PTPRN2: variants seen among roughly 807,000 people sequenced by gnomAD.
PTPRN2 encodes receptor-type tyrosine-protein phosphatase N2.
In PTPRN2, 74 loss-of-function variants were observed where a neutral mutation model predicts 118.8. The observed-to-expected ratio is 0.62, with a 90% CI of 0.52 to 0.76. PTPRN2 has a LOEUF of 0.76. Ranked by LOEUF, PTPRN2 falls within the 30% of genes least tolerant of loss-of-function variation. PTPRN2 has a pLI of 0.00. For missense variants in PTPRN2, 1,481 were observed against 1,394.4 expected (o/e 1.06, Z -0.99); for synonymous variants, 641 against 608.0 (o/e 1.05, Z -0.80).
At chr7:157,981,010 C>T (rs1304574792) in intron 11 of PTPRN2, among the ~76,000 whole-genome samples, 1 of 152,104 alleles carries the variant, frequency 6.6e-6, no homozygotes, top group Non-Finnish European at 1.5e-5. Flanking sequence ...GTAGCCAGTT[C>T]CCACGGAGCC....
At chr7:158,452,192 C>A (rs937942280) in intron 2 of PTPRN2, among the ~76,000 whole-genome samples, 5 of 125,690 alleles carry the variant, frequency 4.0e-5, no homozygotes, top group African/African-American at 1.1e-4. Context: ...AGACTCAACG[C>A]CCCACACACA....
At chr7:158,502,903 ATCAGCCACTGTG>A (rs1822473374) in intron 1 of PTPRN2, among the ~76,000 whole-genome samples, 3 of 150,960 alleles carry the variant, frequency 2.0e-5, no homozygotes, top group African/African-American at 4.9e-5. Flanking sequence ...CACTGTGTCC[ATCAGCCACTGTG>A]TCCATCAACT....
intron 1 of PTPRN2, among the ~76,000 whole-genome samples, chr7:158,564,106 T>C (rs923548275): frequency 1.3e-5 from 2 of 152,218 alleles, no homozygotes; most frequent in Non-Finnish European, 2.9e-5. Flanking sequence ...CCATACGTCT[T>C]GTTAATCACA....
At chr7:158,018,719 G>A (rs186673118) in intron 11 of PTPRN2, among the ~76,000 whole-genome samples, 3 of 152,224 alleles carry the variant, frequency 2.0e-5, no homozygotes, top group East Asian at 1.9e-4. Flanking sequence ...CCAGCACTTT[G>A]GGAGGCTGAG....
At chr7:157,623,896 C>T (rs1022231133) in intron 14 of PTPRN2, among the ~76,000 whole-genome samples, 4 of 152,210 alleles carry the variant, frequency 2.6e-5, no homozygotes, top group African/African-American at 9.7e-5. Context: ...ATGAAACATC[C>T]TTTGTGATAT....
In PTPRN2 at chr7:158,575,727, A is replaced by G. The variant is rs117538809; in HGVS notation, c.112+11831T>C. On this transcript the variant is annotated intron_variant, in intron 1 of 22. Coordinates refer to ENST00000389418, the MANE Select transcript of PTPRN2 (RefSeq NM_002847.5). Reference sequence around the variant, plus strand: ...TGGAGGATACAAGAGGCATAACTACATAAGTATCCAAATTTTTCACACAGT... The same window carrying G: ...TGGAGGATACAAGAGGCATAACTACGTAAGTATCCAAATTTTTCACACAGT... Among the ~76,000 whole-genome samples, 24 of 152,320 alleles carry G rather than the reference A, an allele frequency of 1.6e-4. 1 individual carries two copies. In the East Asian group the frequency reaches 4.0e-3, roughly 26 times the overall value.
chr7:158,076,123 CA>C (rs1235937241), intron 11 of PTPRN2, among the ~76,000 whole-genome samples: 1 of 152,256 alleles, frequency 6.6e-6, no homozygotes, highest in Non-Finnish European at 1.5e-5. Flanking sequence ...ATTTTCTCAG[CA>C]AGTGGCTGTT....
In PTPRN2 at chr7:158,098,303, C is replaced by CG. The variant is rs547342541; in HGVS notation, c.1643+12525dup. On this transcript the variant is annotated intron_variant, in intron 10 of 22. Transcript: ENST00000389418. ...CAAAGGATCCTGCGGGTGAGGCCAC[C>CG]GGGGGGGCTCCCTGGGGAGGAGGTG... Among the ~76,000 whole-genome samples, 16 of 152,170 alleles carry CG rather than the reference C, an allele frequency of 1.1e-4. No individual in the cohort carries two copies. The South Asian group carries it at 1.5e-3, about 14-fold the overall frequency.
intron 2 of PTPRN2, among the ~76,000 whole-genome samples, chr7:158,333,681 C>T (rs1200858586): frequency 6.6e-6 from 1 of 151,420 alleles, no homozygotes; most frequent in Non-Finnish European, 1.5e-5. Flanking sequence ...CCACAGACAT[C>T]ACTCACACCC....
At position 158,333,143 on chromosome 7, in the gene PTPRN2, G is replaced by C. The variant is rs1396100287; in HGVS notation, c.164-16211C>G. 5.4e-3 allele frequency among the ~76,000 whole-genome samples: 294 copies of C among 53,970 alleles called. 1 individual carries two copies. The highest frequency in any genetic ancestry group is 0.048 in the Middle Eastern group (3 of 62). 35.4% of individuals were successfully genotyped at this position (53,970 alleles called of 152,430 possible). ...CCTGCAGACATCACTCACACCCACAGTCTCACCATAAGAGGTGACACCTGC... is the reference window on the plus strand; with the variant it reads ...CCTGCAGACATCACTCACACCCACACTCTCACCATAAGAGGTGACACCTGC... On this transcript the variant is annotated intron_variant, in intron 2 of 22. Transcript: ENST00000389418.
chr7:157,783,423 C>T (rs1428090158), intron 12 of PTPRN2, among the ~76,000 whole-genome samples: 1 of 151,108 alleles, frequency 6.6e-6, no homozygotes, highest in Non-Finnish European at 1.5e-5. Context: ...GAAGGTTCAT[C>T]GAACGCATGT....
At chr7:158,094,476 AT>A (rs1425053253) in intron 10 of PTPRN2, among the ~76,000 whole-genome samples, 4 of 149,938 alleles carry the variant, frequency 2.7e-5, no homozygotes, top group East Asian at 2.0e-4. Flanking sequence ...TGCTCAGCTA[AT>A]TTTTTTTTTA....
chr7:157,579,942 A>G (rs1563230267), intron 17 of PTPRN2, among the ~76,000 whole-genome samples: 1 of 152,192 alleles, frequency 6.6e-6, no homozygotes, highest in Admixed American at 6.5e-5. Flanking sequence ...AAACTATGGC[A>G]TTTCTCCATC....
At chr7:158,102,621 G>A (rs1236207881) in intron 10 of PTPRN2, among the ~76,000 whole-genome samples, 2 of 152,230 alleles carry the variant, frequency 1.3e-5, no homozygotes, top group Admixed American at 6.5e-5. Flanking sequence ...CATGCCCCAT[G>A]TATTTGATAT....
rs920672157 is a variant in PTPRN2, at chr7:158,526,444, T to C, written c.113-36659A>G. Among the ~76,000 whole-genome samples the C allele has an allele frequency of 2.6e-5, 4 of 152,198 alleles. No homozygotes were observed. Among genetic ancestry groups the C allele is most frequent in the African/African-American group, 9.6e-5 (4 of 41,458 alleles). On this transcript the variant is annotated intron_variant, in intron 1 of 22. Transcript: ENST00000389418. The surrounding 1 kb of genome is among the most constrained non-coding windows in gnomAD (Gnocchi z 5.2). ...ACCACGTTCCCACAAACACAGGGTC[T>C]GGAGGTCTCTCCGCTGGTCACGGCC...
At chr7:158,338,629 T>C (rs62481696) in intron 2 of PTPRN2, among the ~76,000 whole-genome samples, 3,861 of 27,284 alleles carry the variant, frequency 0.14, 19 homozygotes, top group Middle Eastern at 0.17. Context: ...CTCACACCCA[T>C]ACTCTCACCA....
Position 157,677,728 on chromosome 7 carries a change from G to A in PTPRN2, c.2001+4997C>T, listed in dbSNP as rs142180065. On this transcript the variant is annotated intron_variant, in intron 13 of 22. Transcript: ENST00000389418. ...AACAGGTTCTTCCCACACTGGGGACGACACGTACCCTTTACCCTCATCATC... is the reference window on the plus strand; with the variant it reads ...AACAGGTTCTTCCCACACTGGGGACAACACGTACCCTTTACCCTCATCATC... Among the ~76,000 whole-genome samples, 570 of 152,294 alleles carry A rather than the reference G, an allele frequency of 3.7e-3. 6 individuals carry two copies. Among genetic ancestry groups the A allele is most frequent in the African/African-American group, 0.013 (541 of 41,538 alleles).
chr7:157,625,933 C>G (rs998101834), intron 14 of PTPRN2, among the ~76,000 whole-genome samples: 1 of 152,176 alleles, frequency 6.6e-6, no homozygotes, highest in African/African-American at 2.4e-5. Flanking sequence ...GGGCCCACAG[C>G]AAACTGTAAG....
rs1381609259 is a variant in PTPRN2 at position 157,977,382 on chromosome 7, G to A, written c.1724-78645C>T. Among the ~76,000 whole-genome samples, 1 of 151,908 alleles carries A rather than the reference G, an allele frequency of 6.6e-6. No individual in the cohort carries two copies. Among genetic ancestry groups the A allele is most frequent in the Non-Finnish European group, 1.5e-5 (1 of 67,950 alleles). On this transcript the variant is annotated intron_variant, in intron 11 of 22. Coordinates refer to ENST00000389418, the MANE Select transcript of PTPRN2 (RefSeq NM_002847.5). This position sits in a 1 kb window ranked among gnomAD's most constrained non-coding sequence, Gnocchi z 4.6. Reference sequence around the variant, plus strand: ...TAATGTGCTCTGGAGTGACAGGGGTGGGAGGGGTTTATCAGAGATCTGGGA... The same window carrying A: ...TAATGTGCTCTGGAGTGACAGGGGTAGGAGGGGTTTATCAGAGATCTGGGA...
Sources: gnomAD v4.1 joint callset for allele counts (sites outside exome capture counted in the v4.1 genomes callset) on GRCh38, gnomAD v4.1.1 for gene constraint, Gnocchi (gnomAD v3.1) non-coding constraint, MANE v1.5 for transcripts, NCBI Gene and HGNC (gene_info 2026-07-23, HGNC 2026-07-21) for gene names.